The following CALU variants were observed in gnomAD, a reference collection of about 807,000 sequenced individuals.
CALU encodes IEF SSP 9302.
In CALU, 13 loss-of-function variants were observed where a neutral mutation model predicts 37.5. The observed-to-expected ratio is 0.35, with a 90% CI of 0.23 to 0.55. CALU has a LOEUF of 0.55. CALU is among the 20% of genes least tolerant of loss of function. CALU has a pLI of 0.89. For missense variants in CALU, 282 were observed against 391.7 expected (o/e 0.72, Z 2.36); for synonymous variants, 114 against 133.8 (o/e 0.85, Z 1.02).
chr7:128,758,524 TAG>T (rs1227834474), intron 3 of CALU, among the ~76,000 whole-genome samples: 1 of 152,182 alleles, frequency 6.6e-6, no homozygotes, highest in East Asian at 1.9e-4. Flanking sequence ...TAGAAAATGG[TAG>T]AGTTCAAACT....
chr7:128,751,452 C>T (rs527378831), intron 2 of CALU, among the ~76,000 whole-genome samples: 41 of 152,156 alleles, frequency 2.7e-4, no homozygotes, highest in African/African-American at 6.7e-4. Flanking sequence ...TTGGGCTAGG[C>T]GCAATGGCTC....
chr7:128,772,538 C>T lies in CALU; in HGVS notation c.*3371C>T. On this transcript the variant is annotated 3_prime_UTR_variant, in exon 7 of 7. Coordinates refer to ENST00000249364, the MANE Select transcript of CALU (RefSeq NM_001219.5). ...TGTTGCAAACAGGCCAATATTGGGT[C>T]CTCAGTTGGGGCCAACTTGGGTAGA... 6.2e-7 allele frequency: 1 copy of T among 1,614,070 alleles called. No individual in the cohort carries two copies. Among genetic ancestry groups the T allele is most frequent in the South Asian group, 1.1e-5 (1 of 91,076 alleles).
At chr7:128,758,710 G>A (rs1800984990) in intron 3 of CALU, among the ~76,000 whole-genome samples, 161 bp from the exon 4 acceptor site, 1 of 152,196 alleles carries the variant, frequency 6.6e-6, no homozygotes, top group South Asian at 2.1e-4. Context: ...TGGAGCTGTA[G>A]CCCAAAACTA....
intron 5 of CALU, 95 bp from the exon 6 acceptor site, chr7:128,767,361 C>G (rs781039487): frequency 1.0e-6 from 1 of 958,858 alleles, no homozygotes. Context: ...GGGTTCCAAA[C>G]AAATGGATGA....
chr7:128,741,454 T>TGTC (rs1164513780), intron 1 of CALU, among the ~76,000 whole-genome samples: 1 of 152,208 alleles, frequency 6.6e-6, no homozygotes, highest in African/African-American at 2.4e-5. Context: ...CTTCCAGAAA[T>TGTC]GTCGATTCTA....
intron 2 of CALU, among the ~76,000 whole-genome samples, chr7:128,749,917 A>G (rs968075808): frequency 1.3e-5 from 2 of 152,204 alleles, no homozygotes; most frequent in African/African-American, 4.8e-5. Flanking sequence ...TAACTGTACT[A>G]ACATTCCAGG....
At position 128,767,586 on chromosome 7, in the gene CALU, C is replaced by T. The variant is rs1293452801; in HGVS notation, c.774C>T (p.Ile258=). The T allele has an allele frequency of 6.2e-7, 1 of 1,614,098 alleles. No individual in the cohort carries two copies. The highest frequency in any genetic ancestry group is 8.5e-7 in the Non-Finnish European group (1 of 1,179,940). ...ACAAGGAAGAGACCAAAGACTGGATCCTTCCCTCAGACTATGATCATGCAG... is the reference window on the plus strand; with the variant it reads ...ACAAGGAAGAGACCAAAGACTGGATTCTTCCCTCAGACTATGATCATGCAG... ...KMDKEETKDW[I]LPSDYDHAEA... is the part of the protein sequence containing the mutation. Residue 258 remains isoleucine, a synonymous_variant, in exon 6 of 7, where the codon ATC becomes ATT. Transcript: ENST00000249364.
chr7:128,752,311 T>A (rs1421962388), intron 2 of CALU, among the ~76,000 whole-genome samples: 1 of 152,208 alleles, frequency 6.6e-6, no homozygotes, highest in East Asian at 1.9e-4. Flanking sequence ...GGTTAAACCA[T>A]TTGAGTTGTT....
chr7:128,765,082 TTTATTA>T (rs1256245335), intron 5 of CALU, among the ~76,000 whole-genome samples: 1 of 152,046 alleles, frequency 6.6e-6, no homozygotes, highest in Non-Finnish European at 1.5e-5. Flanking sequence ...GCTGATTTTT[TTTATTA>T]TTATTCTTAT....
intron 3 of CALU, among the ~76,000 whole-genome samples, chr7:128,757,797 A>G (rs1006463831): frequency 1.3e-5 from 2 of 152,214 alleles, no homozygotes; most frequent in Admixed American, 1.3e-4. Context: ...TCAGCTTAAA[A>G]AACTAAATTT....
intron 5 of CALU, among the ~76,000 whole-genome samples, chr7:128,763,489 C>G (rs1014577777): frequency 1.3e-5 from 2 of 152,100 alleles, no homozygotes; most frequent in African/African-American, 2.4e-5. Flanking sequence ...CGAGATCGCG[C>G]CACTGCACTC....
chr7:128,760,021 C>T (rs909628704), intron 5 of CALU, among the ~76,000 whole-genome samples, 169 bp downstream of exon 5: 1 of 152,154 alleles, frequency 6.6e-6, no homozygotes, highest in African/African-American at 2.4e-5. Context: ...CATGGGGAAA[C>T]CCCGTCTCTA....
Position 128,759,819 on chromosome 7 carries a change from G to A in CALU, c.610G>A (p.Ala204Thr), listed in dbSNP as rs1801033260. 2 of 1,402,094 alleles carry A rather than the reference G, an allele frequency of 1.4e-6. No homozygotes were observed. Among genetic ancestry groups the A allele is most frequent in the African/African-American group, 2.8e-5 (2 of 71,028 alleles). The allele number at this position is 1,402,094 out of a possible 1,614,324, so 86.9% of individuals were successfully genotyped here. A position where few individuals can be genotyped will look rare whatever the true frequency, so the allele number is the denominator to read the frequency against. ...AACAATGGAAGATATAGATAAGAAT[G>A]CTGATGGTTTCATTGATCTAGAAGA... is the stretch of plus-strand genomic sequence containing the variant. ...QETMEDIDKNADGFIDLEEYI... is the reference protein window; with the variant it reads ...QETMEDIDKNTDGFIDLEEYI... Residue 204 changes from alanine (A) to threonine (T), a missense_variant, in exon 5 of 7, where the codon GCT becomes ACT. By Grantham distance (58) the Ala-to-Thr change is moderately conservative (BLOSUM62 0). Transcript: ENST00000249364.
At chr7:128,742,510 A>G (rs1800277472) in intron 1 of CALU, among the ~76,000 whole-genome samples, 1 of 152,232 alleles carries the variant, frequency 6.6e-6, no homozygotes, top group African/African-American at 2.4e-5. Flanking sequence ...GAATTTAAAC[A>G]TCTAAATTTC....
At chr7:128,759,675 A>ATACG in intron 4 of CALU, 117 bp from the exon 5 acceptor site, 1 of 660,294 alleles carries the variant, frequency 1.5e-6, no homozygotes, top group South Asian at 1.5e-5. Flanking sequence ...ACATACATAC[A>ATACG]TACATGTACA....
chr7:128,756,519 C>G (rs562505113), intron 3 of CALU, among the ~76,000 whole-genome samples: 38 of 152,270 alleles, frequency 2.5e-4, no homozygotes, highest in African/African-American at 8.9e-4. Flanking sequence ...ACTGTGTGTT[C>G]TTGATTCAAT....
At position 128,772,151 on chromosome 7, in the gene CALU, C is replaced by G. The variant is rs1485605632; in HGVS notation, c.*2984C>G. On this transcript the variant is annotated 3_prime_UTR_variant, in exon 7 of 7. Coordinates refer to ENST00000249364, the MANE Select transcript of CALU (RefSeq NM_001219.5). ...AAGTTTGTTCTAATTCAGCATATATCATCTCAGAATGGATCCCCAGCAGGA... is the reference window on the plus strand; with the variant it reads ...AAGTTTGTTCTAATTCAGCATATATGATCTCAGAATGGATCCCCAGCAGGA... 7.0e-6 allele frequency among the ~76,000 whole-genome samples: 1 copy of G among 142,510 alleles called. No individual in the cohort carries two copies. Among genetic ancestry groups the G allele is most frequent in the African/African-American group, 2.6e-5 (1 of 38,268 alleles). 93.5% of individuals were successfully genotyped at this position (142,510 alleles called of 152,430 possible).
intron 2 of CALU, among the ~76,000 whole-genome samples, chr7:128,750,236 A>G (rs953372521): frequency 4.9e-4 from 41 of 83,690 alleles, no homozygotes; most frequent in East Asian, 1.3e-3. Flanking sequence ...AAAAAAAAAA[A>G]AAAAGAAAAT....
At position 128,748,725 on chromosome 7, in the gene CALU, G is replaced by T. The variant is rs1800543512; in HGVS notation, c.142G>T (p.Asp48Tyr). 1 of 1,614,142 alleles carries T rather than the reference G, an allele frequency of 6.2e-7. No homozygotes were observed. The highest frequency in any genetic ancestry group is 1.1e-5 in the South Asian group (1 of 91,040). The change falls in exon 2 of 7, where the codon GAC (aspartate) becomes TAC (tyrosine). Residue 48 changes from aspartate (D) to tyrosine (Y), a missense_variant. Physicochemically the swap from Asp to Tyr is radical, Grantham distance 160. Coordinates refer to ENST00000249364, the MANE Select transcript of CALU (RefSeq NM_001219.5). The stretch of plus-strand genomic sequence containing the variant: ...CAATGATGCTCAGAGTTTTGATTAT[G>T]ACCATGATGCCTTCTTGGGTGCTGA... Reference protein sequence around the residue: ...VHNDAQSFDYDHDAFLGAEEA... With the variant: ...VHNDAQSFDYYHDAFLGAEEA...
Sources: allele counts gnomAD v4.1 joint callset (sites outside exome capture counted in the v4.1 genomes callset), GRCh38; gene constraint gnomAD v4.1.1; transcripts MANE v1.5; gene names NCBI Gene and HGNC (gene_info 2026-07-23, HGNC 2026-07-21).